HELB: variants seen among roughly 807,000 people sequenced by gnomAD.
HELB encodes DNA helicase B.
Under a neutral mutation model 101.7 loss-of-function variants are expected in HELB, and 96 were observed. The ratio of observed to expected loss-of-function variants is 0.94; its 90% CI spans 0.80 to 1.12. The LOEUF (loss-of-function observed/expected upper bound fraction) is 1.12, where lower values mean the gene tolerates loss of function less well. Ranked by LOEUF, HELB falls within the 50% of genes most tolerant of loss-of-function variation. The pLI is 0.00. For synonymous variants in HELB, 437 were observed against 459.7 expected, an observed-to-expected ratio of 0.95 and a Z score of 0.63; for missense variants, 1,210 against 1,291.9, an observed-to-expected ratio of 0.94 and a Z score of 0.97.
intron 7 of HELB, 52 bp from the exon 8 acceptor site, chr12:66,321,896 G>A (rs1342918234): frequency 2.8e-6 from 2 of 705,832 alleles, no homozygotes; most frequent in Non-Finnish European, 5.1e-6. Context: ...CATAGAAATT[G>A]TGTTATAATT....
intron 3 of HELB, among the ~76,000 whole-genome samples, chr12:66,308,877 G>A (rs1178089341): frequency 6.6e-6 from 1 of 152,036 alleles, no homozygotes; most frequent in East Asian, 1.9e-4. Context: ...ATGAATTTTG[G>A]GGGGACACAG....
At chr12:66,332,111 G>A (rs754969790) in intron 12 of HELB, among the ~76,000 whole-genome samples, 18 of 152,200 alleles carry the variant, frequency 1.2e-4, no homozygotes, top group Admixed American at 2.6e-4. Context: ...TGAACCAGCT[G>A]CCTAATCTGC....
chr12:66,324,145 TA>T lies in HELB; in HGVS notation c.2465del (p.Asn822IlefsTer19). On this transcript the variant is annotated frameshift_variant, in exon 10 of 13. Transcript: ENST00000247815. LOFTEE classifies it high-confidence loss of function. ...TTTCTGGTACGCTTCCTGATTTTGC[TA>T]AAAATAAGCGTGACTTTGAAAGTAA... ...DFSGTLPDFAKNKRDFESNVR... is the reference protein window; with the variant it reads ...DFSGTLPDFAXNKRDFESNVR... 6.2e-7 allele frequency: 1 copy of T among 1,613,954 alleles called. No homozygotes were observed. Among genetic ancestry groups the T allele is most frequent in the Non-Finnish European group, 8.5e-7 (1 of 1,179,914 alleles).
At chr12:66,321,525 CATATAAGGCCTGTATATTGTCAAGTTCT>C (rs1592641304) in intron 7 of HELB, 1 of 170,666 alleles carries the variant, frequency 5.9e-6, no homozygotes, top group African/African-American at 2.4e-5. Flanking sequence ...AGTGATATAA[CATATAAGGCCTGTATATTGTCAAGTTCT>C]AACTGATTAC....
At chr12:66,307,717 G>A (rs891431471) in intron 3 of HELB, among the ~76,000 whole-genome samples, 1 of 151,110 alleles carries the variant, frequency 6.6e-6, no homozygotes, top group Non-Finnish European at 1.5e-5. Context: ...TTCCTTCCCT[G>A]CCACTATCCC....
chr12:66,307,754 C>CT lies in HELB; in HGVS notation c.777+1253dup, dbSNP rs752323706. On this transcript the variant is annotated intron_variant, in intron 3 of 12. Transcript: ENST00000247815. ...TTCTCTCTACCTCCCCTTTTCTTTT[C>CT]TTTTTTTTTTTTTCCCACCCAGCCT... is the stretch of plus-strand genomic sequence containing the variant. Among the ~76,000 whole-genome samples, 188 of 145,892 alleles carry CT rather than the reference C, an allele frequency of 1.3e-3. No individual in the cohort carries two copies. The East Asian group carries it at 0.017, about 13-fold the overall frequency.
chr12:66,310,116 T>C lies in HELB; in HGVS notation c.1188T>C (p.Asn396=). Reference sequence around the variant, plus strand: ...CTATTCACACCACAAAACCTGAGAATTCAAGCGATGATGCATTGAATGAGA... The same window carrying C: ...CTATTCACACCACAAAACCTGAGAACTCAAGCGATGATGCATTGAATGAGA... ...LASIHTTKPE[N]SSDDALNESK... Residue 396 remains asparagine, a synonymous_variant, in exon 4 of 13, where the codon AAT becomes AAC. Transcript: ENST00000247815. 1 of 1,614,188 alleles carries C rather than the reference T, an allele frequency of 6.2e-7. No individual in the cohort carries two copies. The highest frequency in any genetic ancestry group is 8.5e-7 in the Non-Finnish European group (1 of 1,180,032).
chr12:66,324,811 G>T, intron 10 of HELB, 172 bp from the exon 11 acceptor site: 1 of 655,150 alleles, frequency 1.5e-6, no homozygotes. Context: ...AAAATATTTA[G>T]GTATAGATAT....
intron 4 of HELB, among the ~76,000 whole-genome samples, chr12:66,312,240 A>G (rs1391799307): frequency 6.6e-6 from 1 of 152,240 alleles, no homozygotes; most frequent in African/African-American, 2.4e-5. Flanking sequence ...TGAAATGGAG[A>G]TTTCTGGCCT....
intron 12 of HELB, among the ~76,000 whole-genome samples, chr12:66,333,786 G>T (rs1032463385): frequency 6.6e-6 from 1 of 152,190 alleles, no homozygotes; most frequent in Non-Finnish European, 1.5e-5. Flanking sequence ...AGGGCCACGG[G>T]AATGAGTTGG....
At chr12:66,303,901 C>T (rs2053440482) in intron 1 of HELB, among the ~76,000 whole-genome samples, 1 of 152,204 alleles carries the variant, frequency 6.6e-6, no homozygotes, top group African/African-American at 2.4e-5. Context: ...TCTGCACTGT[C>T]TGGTATAATA....
chr12:66,304,964 G>A lies in HELB; in HGVS notation c.421G>A (p.Val141Ile), dbSNP rs1295385334. 3.6e-5 allele frequency: 58 copies of A among 1,613,860 alleles called. No homozygotes were observed. Among genetic ancestry groups the A allele is most frequent in the Non-Finnish European group, 4.7e-5 (56 of 1,179,946 alleles). The change falls in exon 2 of 13, where the codon GTT (valine) becomes ATT (isoleucine). Residue 141 changes from valine (V) to isoleucine (I), a missense_variant. Val to Ile is a conservative substitution (Grantham distance 29). Around this residue, in one of 2 missense-constraint regions of HELB, gnomAD observed 470 missense variants for 563.1 expected, o/e 0.83. Transcript: ENST00000247815. The part of the protein sequence containing the change: ...LKECEVSSDD[V>I]NKFLTWVKEV... The stretch of plus-strand genomic sequence containing the variant: ...AGAGTGTGAGGTCTCCAGTGATGAT[G>A]TTAATAAATTTTTAACATGGGTAAA...
At chr12:66,334,403 A>G (rs1304962067) in intron 12 of HELB, among the ~76,000 whole-genome samples, 1 of 149,658 alleles carries the variant, frequency 6.7e-6, no homozygotes, top group African/African-American at 2.5e-5. Flanking sequence ...TCCAGGCTAT[A>G]GTGAGCTGTG....
chr12:66,326,170 G>A (rs2053734839), intron 11 of HELB, among the ~76,000 whole-genome samples: 1 of 151,882 alleles, frequency 6.6e-6, no homozygotes, highest in Non-Finnish European at 1.5e-5. Flanking sequence ...TTATTAGTGA[G>A]TCTCTTATTT....
intron 10 of HELB, 67 bp from the exon 11 acceptor site, chr12:66,324,916 C>T: frequency 6.3e-7 from 1 of 1,587,452 alleles, no homozygotes; most frequent in Non-Finnish European, 8.6e-7. Context: ...GATAGAATAT[C>T]TTTGAACGTA....
At chr12:66,319,471 C>A (rs2053646907) in intron 7 of HELB, among the ~76,000 whole-genome samples, 1 of 152,146 alleles carries the variant, frequency 6.6e-6, no homozygotes, top group South Asian at 2.1e-4. Context: ...GTGAGACACT[C>A]TATAAATGTC....
At chr12:66,328,239 G>A (rs2137012015) in intron 11 of HELB, among the ~76,000 whole-genome samples, 1 of 152,304 alleles carries the variant, frequency 6.6e-6, no homozygotes, top group South Asian at 2.1e-4. Flanking sequence ...TGTGGCTAGA[G>A]TGACTGAAAA....
At chr12:66,341,533 A>C (rs947382901), downstream of HELB, 19 of 152,210 alleles carry the variant, frequency 1.2e-4, no homozygotes, top group Admixed American at 1.1e-3. Context: ...ACAAAATGTA[A>C]GAATTCTTTA....
At position 66,302,548 on chromosome 12, in the gene HELB, G is replaced by A; in HGVS notation, c.-56G>A. 1.3e-6 allele frequency: 2 copies of A among 1,531,744 alleles called. No individual in the cohort carries two copies. Among genetic ancestry groups the A allele is most frequent in the Admixed American group, 1.7e-5 (1 of 58,990 alleles). 94.9% of individuals were successfully genotyped at this position (1,531,744 alleles called of 1,614,324 possible). ...GTCGTAGAACTGATTGGCTGATCATGACCATGCAGTTAGCCAGGGTTTTCC... is the reference window on the plus strand; with the variant it reads ...GTCGTAGAACTGATTGGCTGATCATAACCATGCAGTTAGCCAGGGTTTTCC... On this transcript the variant is annotated 5_prime_UTR_variant, in exon 1 of 13. An upstream start codon of the reference 5' UTR is lost. Coordinates refer to ENST00000247815, the MANE Select transcript of HELB (RefSeq NM_001370285.1).
Sources: gnomAD v4.1 joint callset for allele counts (sites outside exome capture counted in the v4.1 genomes callset) on GRCh38, gnomAD v4.1.1 for gene constraint, gnomAD v4.1.1 regional missense constraint, MANE v1.5 for transcripts, NCBI Gene and HGNC (gene_info 2026-07-23, HGNC 2026-07-21) for gene names.